The following NRXN1 variants were observed in gnomAD, a reference collection of about 807,000 sequenced individuals.
The protein encoded by NRXN1 is neurexin-1.
NRXN1 carries 39 observed loss-of-function variants against 150.9 expected under a neutral mutation model. That is an observed-to-expected ratio of 0.26 (90% CI 0.20 to 0.34). The LOEUF is 0.34. Among genes scored for constraint, NRXN1 ranks in the 10% least tolerant of loss-of-function variants. NRXN1 has a pLI of 1.00. For missense variants in NRXN1, 1,815 were observed against 1,949.9 expected (o/e 0.93, Z 1.30); for synonymous variants, 924 against 757.0 (o/e 1.22, Z -3.62).
intron 21 of NRXN1, among the ~76,000 whole-genome samples, chr2:49,994,932 T>A (rs1464579687): frequency 1.3e-5 from 2 of 152,152 alleles, no homozygotes; most frequent in East Asian, 1.9e-4. Flanking sequence ...GTGCCTCACA[T>A]CCAATGCTGC....
At chr2:50,080,845 C>G (rs1426360962) in intron 19 of NRXN1, among the ~76,000 whole-genome samples, 1 of 152,080 alleles carries the variant, frequency 6.6e-6, no homozygotes, top group East Asian at 1.9e-4. Context: ...TAAAGGGCAG[C>G]CACATTTCAT....
chr2:50,925,940 TC>T lies in NRXN1; in HGVS notation c.787del (p.Glu263LysfsTer6). 1 of 1,573,938 alleles carries T rather than the reference TC, an allele frequency of 6.4e-7. No individual in the cohort carries two copies. Among genetic ancestry groups the T allele is most frequent in the Non-Finnish European group, 8.6e-7 (1 of 1,158,178 alleles). ...KDCSQEDNNVEGLAHLMMGDQ... is the reference protein window; with the variant it reads ...KDCSQEDNNVXGLAHLMMGDQ... ...AAAATAAGGTAGAAAGCACCCACCT[TC>T]CACATTGTTGTCTTCTGAAAGCACA... is the stretch of plus-strand genomic sequence containing the variant. On this transcript the variant is annotated frameshift_variant, in exon 3 of 23. Coordinates refer to ENST00000401669, the MANE Select transcript of NRXN1 (RefSeq NM_001330078.2). LOFTEE classifies it high-confidence loss of function.
intron 13 of NRXN1, among the ~76,000 whole-genome samples, chr2:50,505,175 T>C (rs7567337): frequency 0.034 from 5,243 of 152,168 alleles, 286 homozygotes; most frequent in African/African-American, 0.12. Context: ...TTACTAGATA[T>C]TGACAAATAT....
chr2:50,608,546 AAAAT>A (rs753553610), intron 8 of NRXN1, among the ~76,000 whole-genome samples: 61,434 of 151,718 alleles, frequency 0.4, 12,845 homozygotes, highest in East Asian at 0.57. Flanking sequence ...TCCTTGTTTA[AAAAT>A]TGTTCCTATA....
At chr2:50,519,837 A>G (rs1324297287) in intron 12 of NRXN1, among the ~76,000 whole-genome samples, 1 of 151,926 alleles carries the variant, frequency 6.6e-6, no homozygotes, top group Non-Finnish European at 1.5e-5. Context: ...CCATTGGTAG[A>G]CATATTTTTC....
chr2:50,017,319 CA>C (rs1439093750), intron 21 of NRXN1, among the ~76,000 whole-genome samples: 3 of 152,084 alleles, frequency 2.0e-5, no homozygotes, highest in Non-Finnish European at 4.4e-5. Context: ...GATGTATTGT[CA>C]AAATATTTTT....
chr2:50,287,647 T>C (rs903009760), intron 17 of NRXN1, among the ~76,000 whole-genome samples: 3 of 152,146 alleles, frequency 2.0e-5, no homozygotes, highest in African/African-American at 7.2e-5. Context: ...AGGGTACAAA[T>C]GTATTATAAT....
At chr2:50,745,149 C>A (rs1299050549) in intron 5 of NRXN1, among the ~76,000 whole-genome samples, 1 of 152,040 alleles carries the variant, frequency 6.6e-6, no homozygotes, top group African/African-American at 2.4e-5. Context: ...TTTAATCTCT[C>A]CAAATCTCTG....
chr2:50,661,546 G>T (rs886206476), intron 5 of NRXN1, among the ~76,000 whole-genome samples: 3 of 152,008 alleles, frequency 2.0e-5, no homozygotes, highest in African/African-American at 7.2e-5. Flanking sequence ...AGGGTCCTCA[G>T]TAATTACCCA....
intron 2 of NRXN1, among the ~76,000 whole-genome samples, chr2:50,965,427 TA>T (rs1370067398): frequency 6.6e-6 from 1 of 151,190 alleles, no homozygotes. Context: ...AAAAAAAAAT[TA>T]GGGGGAACAT....
intron 17 of NRXN1, among the ~76,000 whole-genome samples, chr2:50,399,116 T>C (rs2082233156): frequency 6.6e-6 from 1 of 152,152 alleles, no homozygotes; most frequent in Admixed American, 6.6e-5. Flanking sequence ...TTTTATGTTT[T>C]TCACTTAGAT....
chr2:50,385,576 A>AT (rs1172462513), intron 17 of NRXN1, among the ~76,000 whole-genome samples: 1 of 152,106 alleles, frequency 6.6e-6, no homozygotes, highest in East Asian at 1.9e-4. Flanking sequence ...GCAGCGTGCC[A>AT]TTTTCGTATT....
At chr2:50,582,478 CAAAAAAAAAAAAA>C (rs56941425) in intron 8 of NRXN1, among the ~76,000 whole-genome samples, 1 of 44,222 alleles carries the variant, frequency 2.3e-5, no homozygotes, top group Non-Finnish European at 3.7e-5. Flanking sequence ...GACTCGTCTC[CAAAAAAAAAAAAA>C]AAAAAAAAAA....
intron 2 of NRXN1, among the ~76,000 whole-genome samples, chr2:50,979,858 G>T (rs1370566485): frequency 6.6e-6 from 1 of 152,088 alleles, no homozygotes; most frequent in East Asian, 1.9e-4. Context: ...AAAGAGAGCT[G>T]AAGCACACAT....
intron 5 of NRXN1, among the ~76,000 whole-genome samples, chr2:50,849,347 A>G (rs1184957556): frequency 1.3e-5 from 2 of 151,744 alleles, no homozygotes; most frequent in Non-Finnish European, 2.9e-5. Context: ...CTTCTGCTAG[A>G]CTCCTGTCAG....
At position 50,496,060 on chromosome 2, in the gene NRXN1, G is replaced by A; in HGVS notation, c.2915C>T (p.Ala972Val). The A allele has an allele frequency of 6.2e-7, 1 of 1,610,560 alleles. No individual in the cohort carries two copies. Among genetic ancestry groups the A allele is most frequent in the Non-Finnish European group, 8.5e-7 (1 of 1,178,118 alleles). Residue 972 changes from alanine (A) to valine (V), a missense_variant, in exon 15 of 23, where the codon GCT (alanine) becomes GTT (valine). Ala to Val is a moderately conservative substitution (Grantham distance 64). Around this residue, in one of 6 missense-constraint regions of NRXN1, gnomAD observed 339 missense variants for 440.3 expected, o/e 0.77. Coordinates refer to ENST00000401669, the MANE Select transcript of NRXN1 (RefSeq NM_001330078.2). ...ATTTGAGCTTCCTTTGATGAGGTTA[G>A]CACCATTTCCCAAATCAAACACGTA... ...LHYVFDLGNG[A>V]NLIKGSSNKP...
At chr2:50,626,319 A>G (rs775628500) in intron 5 of NRXN1, among the ~76,000 whole-genome samples, 2 of 151,930 alleles carry the variant, frequency 1.3e-5, no homozygotes, top group Non-Finnish European at 2.9e-5. Flanking sequence ...AAAAAAAAAG[A>G]GTCCCAAATA....
chr2:50,701,166 A>G (rs561526901), intron 5 of NRXN1, among the ~76,000 whole-genome samples: 3 of 152,142 alleles, frequency 2.0e-5, no homozygotes, highest in Admixed American at 6.6e-5. Context: ...ATTTTTGAAC[A>G]GATAATATTT....
chr2:50,520,327 C>T (rs1031996837), intron 12 of NRXN1, among the ~76,000 whole-genome samples: 20 of 151,632 alleles, frequency 1.3e-4, no homozygotes, highest in Non-Finnish European at 1.8e-4. Context: ...TGATGTATTA[C>T]AAATATATGA....
Sources: allele counts gnomAD v4.1 joint callset (sites outside exome capture counted in the v4.1 genomes callset), GRCh38; gene constraint gnomAD v4.1.1; regional missense constraint gnomAD v4.1.1; transcripts MANE v1.5; gene names NCBI Gene and HGNC (gene_info 2026-07-23, HGNC 2026-07-21).